Variants in PTPRD observed in about 807,000 individuals in gnomAD.
PTPRD encodes the protein protein tyrosine phosphatase receptor type D.
Under a neutral mutation model 214.5 loss-of-function variants are expected in PTPRD, and 34 were observed. That is an observed-to-expected ratio of 0.16 (90% CI 0.12 to 0.21). PTPRD has a LOEUF of 0.21. Among genes scored for constraint, PTPRD ranks in the 10% least tolerant of loss-of-function variants. The pLI is 1.00. For missense variants in PTPRD, 2,545 were observed against 2,398.7 expected (o/e 1.06, Z -1.27); for synonymous variants, 1,128 against 845.7 (o/e 1.33, Z -5.79).
intron 10 of PTPRD, among the ~76,000 whole-genome samples, chr9:9,175,845 A>G (rs1385367900): frequency 6.6e-6 from 1 of 152,088 alleles, no homozygotes; most frequent in East Asian, 1.9e-4. Context: ...GTCATCGACT[A>G]GCAAAAACTC....
At chr9:9,845,635 T>C (rs541817842) in intron 5 of PTPRD, among the ~76,000 whole-genome samples, 1 of 152,102 alleles carries the variant, frequency 6.6e-6, no homozygotes, top group East Asian at 1.9e-4. Context: ...CTCTAAGATA[T>C]GTTGGATTGA....
At chr9:9,479,228 C>CCA (rs1181768842) in intron 8 of PTPRD, among the ~76,000 whole-genome samples, 86 of 110,452 alleles carry the variant, frequency 7.8e-4, no homozygotes, top group African/African-American at 2.6e-3. Flanking sequence ...CCCCCCCCCC[C>CCA]CACACACACA....
At chr9:10,341,262 A>G (rs1334792694) in intron 2 of PTPRD, among the ~76,000 whole-genome samples, 1 of 152,026 alleles carries the variant, frequency 6.6e-6, no homozygotes. Context: ...GCTTACTCAG[A>G]AAGTACATAC....
chr9:9,356,927 C>G (rs2054026139), intron 9 of PTPRD, among the ~76,000 whole-genome samples: 1 of 151,324 alleles, frequency 6.6e-6, no homozygotes, highest in Non-Finnish European at 1.5e-5. Flanking sequence ...TTATAGTTAA[C>G]AAACAGAAAA....
chr9:9,929,740 G>A (rs2085705818), intron 5 of PTPRD, among the ~76,000 whole-genome samples: 1 of 152,136 alleles, frequency 6.6e-6, no homozygotes, highest in Admixed American at 6.5e-5. Context: ...GCCTGGATAA[G>A]GTTGATTTAA....
intron 9 of PTPRD, among the ~76,000 whole-genome samples, chr9:9,330,836 A>C (rs150288473): frequency 0.013 from 2,040 of 151,930 alleles, 43 homozygotes; most frequent in African/African-American, 0.047. Flanking sequence ...AGAAAGAGAC[A>C]TGGGATATTT....
At chr9:9,143,598 T>C (rs200375569) in intron 10 of PTPRD, among the ~76,000 whole-genome samples, 103 of 152,326 alleles carry the variant, frequency 6.8e-4, no homozygotes, top group African/African-American at 2.4e-3. Flanking sequence ...TAATTAACAG[T>C]CACAGGAGAT....
rs71317396 is a variant in PTPRD, at chr9:9,030,276, C to CTT, written c.-142-11543_-142-11542dup. Among the ~76,000 whole-genome samples, 338 of 37,886 alleles carry CTT rather than the reference C, an allele frequency of 8.9e-3. 24 individuals carry two copies. Among genetic ancestry groups the CTT allele is most frequent in the African/African-American group, 0.025 (229 of 9,178 alleles). The allele number at this position is 37,886 out of a possible 152,430, so 24.9% of individuals were successfully genotyped here. A position where few individuals can be genotyped will look rare whatever the true frequency, so the allele number is the denominator to read the frequency against. On this transcript the variant is annotated intron_variant, in intron 10 of 45. Transcript: ENST00000381196. ...TTGGATCACATGGGCCACACTTGGG[C>CTT]TTTTTTTTTTTTTTTTTTTTTTTTT...
At chr9:10,278,269 A>G (rs2094847306) in intron 3 of PTPRD, among the ~76,000 whole-genome samples, 1 of 152,238 alleles carries the variant, frequency 6.6e-6, no homozygotes, top group Non-Finnish European at 1.5e-5. Flanking sequence ...CATACTTTTC[A>G]TCTTCCAGAT....
At chr9:8,609,865 A>G (rs1450747888) in intron 14 of PTPRD, among the ~76,000 whole-genome samples, 1 of 152,310 alleles carries the variant, frequency 6.6e-6, no homozygotes, top group African/African-American at 2.4e-5. Flanking sequence ...TACAAATAAT[A>G]TAAAGGAGAA....
intron 10 of PTPRD, among the ~76,000 whole-genome samples, chr9:9,158,854 T>C (rs968754174): frequency 1.6e-4 from 25 of 152,258 alleles, no homozygotes; most frequent in African/African-American, 5.8e-4. Flanking sequence ...AAAATAATCA[T>C]TCACCATGAT....
At chr9:9,070,229 C>T (rs969648842) in intron 10 of PTPRD, among the ~76,000 whole-genome samples, 8 of 152,152 alleles carry the variant, frequency 5.3e-5, no homozygotes, top group African/African-American at 1.9e-4. Context: ...GGAATTTATG[C>T]AATTCAAAGA....
At chr9:9,223,932 T>C (rs2099957784) in intron 9 of PTPRD, among the ~76,000 whole-genome samples, 2 of 152,040 alleles carry the variant, frequency 1.3e-5, no homozygotes, top group Admixed American at 6.6e-5. Context: ...AATGAATATT[T>C]TGAATTCAGA....
intron 12 of PTPRD, among the ~76,000 whole-genome samples, chr9:8,665,728 A>G (rs1424943124): frequency 1.3e-5 from 2 of 152,214 alleles, no homozygotes; most frequent in East Asian, 1.9e-4. Flanking sequence ...ATGCCCCTGC[A>G]TGACACATAG....
intron 11 of PTPRD, among the ~76,000 whole-genome samples, chr9:8,872,051 G>A (rs2098310388): frequency 6.6e-6 from 1 of 152,082 alleles, no homozygotes; most frequent in Non-Finnish European, 1.5e-5. Context: ...TTCTCTCATA[G>A]AACAAACAGC....
At chr9:8,764,916 T>C (rs894533220) in intron 11 of PTPRD, among the ~76,000 whole-genome samples, 9 of 152,068 alleles carry the variant, frequency 5.9e-5, no homozygotes, top group Admixed American at 2.6e-4. Context: ...CATCTCATGA[T>C]TGGGCATGAG....
chr9:10,572,736 G>T (rs1355229549), intron 2 of PTPRD, among the ~76,000 whole-genome samples: 1 of 152,070 alleles, frequency 6.6e-6, no homozygotes, highest in African/African-American at 2.4e-5. Context: ...TCAAGTAAAT[G>T]TATTGACTCC....
intron 7 of PTPRD, among the ~76,000 whole-genome samples, chr9:9,665,109 A>G (rs1446756192): frequency 6.6e-6 from 1 of 151,638 alleles, no homozygotes; most frequent in East Asian, 1.9e-4. Flanking sequence ...GTGTGCATCT[A>G]TGTGTGTATG....
chr9:10,535,577 A>C (rs1202327059), intron 2 of PTPRD, among the ~76,000 whole-genome samples: 2 of 152,140 alleles, frequency 1.3e-5, no homozygotes, highest in African/African-American at 4.8e-5. Context: ...TAATCAAGTC[A>C]CCACAGCAAG....
Sources: allele counts gnomAD v4.1 joint callset (sites outside exome capture counted in the v4.1 genomes callset), GRCh38; gene constraint gnomAD v4.1.1; transcripts MANE v1.5; gene names NCBI Gene and HGNC (gene_info 2026-07-23, HGNC 2026-07-21).